The following HTR7 variants were observed in gnomAD, a reference collection of about 807,000 sequenced individuals.
HTR7 encodes the protein 5-hydroxytryptamine receptor 7.
Under a neutral mutation model 34.0 loss-of-function variants are expected in HTR7, and 16 were observed. The observed-to-expected ratio is 0.47, with a 90% CI of 0.32 to 0.71. HTR7 has a LOEUF of 0.71. Ranked by LOEUF, HTR7 falls within the 30% of genes least tolerant of loss-of-function variation. The probability of loss-of-function intolerance (pLI) is 0.04; values close to 1 mark genes in which losing one functional copy is unlikely to be tolerated. For missense variants in HTR7, 504 were observed against 625.5 expected, an observed-to-expected ratio of 0.81 and a Z score of 2.07; for synonymous variants, 265 against 260.2, an observed-to-expected ratio of 1.02 and a Z score of -0.18.
At chr10:90,825,705 T>C (rs913270216) in intron 1 of HTR7, among the ~76,000 whole-genome samples, 18 of 152,100 alleles carry the variant, frequency 1.2e-4, no homozygotes, top group Non-Finnish European at 2.6e-4. Flanking sequence ...AAAAATGAAA[T>C]TGACATACTG....
intron 1 of HTR7, among the ~76,000 whole-genome samples, chr10:90,808,306 C>T (rs1231052052): frequency 6.6e-6 from 1 of 151,870 alleles, no homozygotes; most frequent in African/African-American, 2.4e-5. Context: ...GCAGCAAGTC[C>T]CGCTTTTCTA....
chr10:90,809,543 C>T (rs755717641), intron 1 of HTR7, among the ~76,000 whole-genome samples: 9 of 152,204 alleles, frequency 5.9e-5, no homozygotes, highest in Admixed American at 2.6e-4. Context: ...TAATTAACCT[C>T]GCCTTCAAGG....
At chr10:90,764,855 A>T (rs1280821645) in intron 1 of HTR7, among the ~76,000 whole-genome samples, 1 of 152,032 alleles carries the variant, frequency 6.6e-6, no homozygotes. Flanking sequence ...TAATTATATT[A>T]TTTTTATCTT....
intron 1 of HTR7, among the ~76,000 whole-genome samples, chr10:90,813,675 C>A (rs115954815): frequency 6.6e-6 from 1 of 152,312 alleles, no homozygotes; most frequent in African/African-American, 2.4e-5. Context: ...AAGCTAGAAG[C>A]TTGCAAGGGT....
intron 1 of HTR7, among the ~76,000 whole-genome samples, chr10:90,768,026 T>C (rs1482268650): frequency 6.6e-6 from 1 of 152,148 alleles, no homozygotes; most frequent in East Asian, 1.9e-4. Flanking sequence ...ATTAAACACT[T>C]CTATAAGTCT....
intron 1 of HTR7, among the ~76,000 whole-genome samples, chr10:90,849,978 C>G (rs1246854614): frequency 9.2e-5 from 14 of 152,140 alleles, no homozygotes; most frequent in Admixed American, 9.2e-4. Flanking sequence ...GGGCACTTGC[C>G]AAAATTGGGT....
At chr10:90,806,763 C>A (rs1475612540) in intron 1 of HTR7, among the ~76,000 whole-genome samples, 1 of 152,130 alleles carries the variant, frequency 6.6e-6, no homozygotes, top group African/African-American at 2.4e-5. Context: ...AACATTCAAT[C>A]CCTTGGTTAT....
intron 1 of HTR7, among the ~76,000 whole-genome samples, chr10:90,850,885 T>C (rs781081487): frequency 6.6e-6 from 1 of 152,122 alleles, no homozygotes; most frequent in Non-Finnish European, 1.5e-5. Flanking sequence ...GTAAGAAATA[T>C]GTGTGACAGA....
At chr10:90,759,053 G>A (rs1844886458) in intron 1 of HTR7, among the ~76,000 whole-genome samples, 1 of 152,032 alleles carries the variant, frequency 6.6e-6, no homozygotes, top group Non-Finnish European at 1.5e-5. Flanking sequence ...TGGGCGTGGT[G>A]GCACATGCCT....
In HTR7 at chr10:90,857,124, G is replaced by T; in HGVS notation, c.539+9C>A. The T allele has an allele frequency of 1.3e-6, 2 of 1,559,126 alleles. No homozygotes were observed. Among genetic ancestry groups the T allele is most frequent in the South Asian group, 2.4e-5 (2 of 82,554 alleles). ...GCCGGAGCCTGGGACGGGGCGGTCC[G>T]GCCCTTACCTGTCAATGCTGATCAC... On this transcript the variant is annotated intron_variant, in intron 1 of 3. Transcript: ENST00000336152. This position sits in a 1 kb window ranked among gnomAD's most constrained non-coding sequence, Gnocchi z 6.5.
rs776788204 is a variant in HTR7 at position 90,857,591 on chromosome 10, C to T, written c.81G>A (p.Gly27=). ...RSFLLPEVGR[G]LPDLSPDGGA... ...CACCGTCGGGGCTCAAGTCGGGCAG[C>T]CCGCGCCCCACTTCTGGCAGAAGGA... The change falls in exon 1 of 4, where the codon GGG becomes GGA. Residue 27 remains glycine, a synonymous_variant. Transcript: ENST00000336152. The surrounding 1 kb of genome is among the most constrained non-coding windows in gnomAD (Gnocchi z 6.5). 4.4e-6 allele frequency: 7 copies of T among 1,595,132 alleles called. No homozygotes were observed. In the South Asian group the frequency reaches 7.9e-5, roughly 18 times the overall value.
chr10:90,790,021 T>C lies in HTR7; in HGVS notation c.540-40427A>G, dbSNP rs559640808. Among the ~76,000 whole-genome samples, 11 of 152,292 alleles carry C rather than the reference T, an allele frequency of 7.2e-5. No individual in the cohort carries two copies. In the East Asian group the frequency reaches 1.9e-3, roughly 27 times the overall value. On this transcript the variant is annotated intron_variant, in intron 1 of 3. Coordinates refer to ENST00000336152, the MANE Select transcript of HTR7 (RefSeq NM_019859.4). ...TCTACTTAGTGCACACCCTACACAT[T>C]GTACTGGAAACTTTCATATACATCA... is the stretch of plus-strand genomic sequence containing the variant.
chr10:90,814,608 G>C (rs1205352527), intron 1 of HTR7, among the ~76,000 whole-genome samples: 1 of 152,180 alleles, frequency 6.6e-6, no homozygotes, highest in Non-Finnish European at 1.5e-5. Context: ...AACAATGATA[G>C]AAAAACAATG....
intron 1 of HTR7, among the ~76,000 whole-genome samples, chr10:90,837,460 C>T (rs1846271217): frequency 6.6e-6 from 1 of 152,148 alleles, no homozygotes; most frequent in Non-Finnish European, 1.5e-5. Context: ...TGGGAGTGGG[C>T]TCATTATCTC....
chr10:90,857,579 C>A lies in HTR7; in HGVS notation c.93G>T (p.Leu31Phe). 1 of 1,594,828 alleles carries A rather than the reference C, an allele frequency of 6.3e-7. No homozygotes were observed. The highest frequency in any genetic ancestry group is 8.5e-7 in the Non-Finnish European group (1 of 1,172,470). The change falls in exon 1 of 4, where the codon TTG (leucine) becomes TTT (phenylalanine). Residue 31 changes from leucine to phenylalanine, a missense_variant. Physicochemically the swap from Leu to Phe is conservative, Grantham distance 22. Coordinates refer to ENST00000336152, the MANE Select transcript of HTR7 (RefSeq NM_019859.4). This position sits in a 1 kb window ranked among gnomAD's most constrained non-coding sequence, Gnocchi z 6.5. ...CCGGGTCGGCGCCACCGTCGGGGCT[C>A]AAGTCGGGCAGCCCGCGCCCCACTT... is the stretch of plus-strand genomic sequence containing the variant. The part of the protein sequence containing the change: ...LPEVGRGLPD[L>F]SPDGGADPVA...
At chr10:90,856,998 G>C in intron 1 of HTR7, 135 bp downstream of exon 1, 3 of 765,842 alleles carry the variant, frequency 3.9e-6, no homozygotes, top group Non-Finnish European at 6.2e-6. Flanking sequence ...TGGATTGGGG[G>C]GAGCGGTGTT....
chr10:90,798,108 C>CA (rs1261573652), intron 1 of HTR7, among the ~76,000 whole-genome samples: 3 of 152,152 alleles, frequency 2.0e-5, no homozygotes, highest in Non-Finnish European at 4.4e-5. Flanking sequence ...TAAATTTCAA[C>CA]AGAGTTTTGG....
intron 1 of HTR7, among the ~76,000 whole-genome samples, chr10:90,757,277 C>G (rs970631205): frequency 5.9e-5 from 9 of 152,036 alleles, no homozygotes; most frequent in African/African-American, 2.2e-4. Context: ...TGGGGAGAAG[C>G]AAATCAAGAG....
At chr10:90,755,627 C>T (rs965297706) in intron 1 of HTR7, among the ~76,000 whole-genome samples, 20 of 152,106 alleles carry the variant, frequency 1.3e-4, no homozygotes, top group Non-Finnish European at 2.4e-4. Context: ...TTTAACATCA[C>T]GAGTCATGAC....
Sources: gnomAD v4.1 joint callset for allele counts (sites outside exome capture counted in the v4.1 genomes callset) on GRCh38, gnomAD v4.1.1 for gene constraint, Gnocchi (gnomAD v3.1) non-coding constraint, MANE v1.5 for transcripts, NCBI Gene and HGNC (gene_info 2026-07-23, HGNC 2026-07-21) for gene names.